The following AZI2 variants were observed in gnomAD, a reference collection of about 807,000 sequenced individuals.
AZI2 encodes 5-azacytidine induced 2, also known as 5-azacytidine-induced protein 2.
A neutral mutation model predicts 45.8 loss-of-function variants in AZI2; 22 were observed. That is an observed-to-expected ratio of 0.48 (90% CI 0.34 to 0.69). AZI2 has a LOEUF of 0.69. AZI2 is among the 30% of genes least tolerant of loss of function. The pLI is 0.01. For synonymous variants in AZI2, 137 were observed against 156.7 expected, an observed-to-expected ratio of 0.87 and a Z score of 0.94; for missense variants, 417 against 441.5, an observed-to-expected ratio of 0.94 and a Z score of 0.50.
At chr3:28,338,179 CTTTT>C in intron 3 of AZI2, 143 bp from the exon 4 acceptor site, 1 of 496,546 alleles carries the variant, frequency 2.0e-6, no homozygotes, top group Admixed American at 4.0e-5. Context: ...TCAGAAATGT[CTTTT>C]TTTCTTTTCC....
chr3:28,348,301 A>G (rs1704347861), intron 1 of AZI2: 1 of 152,234 alleles, frequency 6.6e-6, no homozygotes, highest in Admixed American at 6.5e-5. Flanking sequence ...TGAATGAAAA[A>G]AAACTGAAGG....
At chr3:28,332,019 T>G (rs1037589596) in intron 6 of AZI2, 1 of 959,132 alleles carries the variant, frequency 1.0e-6, no homozygotes, top group Non-Finnish European at 1.6e-6. Flanking sequence ...AATGGCCAAG[T>G]AGGCTCTTAA....
Position 28,332,445 on chromosome 3 carries a change from A to T in AZI2, c.589-18T>A. On this transcript the variant is annotated intron_variant, in intron 5 of 7. Coordinates refer to ENST00000479665, the MANE Select transcript of AZI2 (RefSeq NM_022461.5). ...TATGGATCCTGTCATTTGTTTAAAAAAAAGAAGTTTAAAAGTTGTAATTTT... is the reference window on the plus strand; with the variant it reads ...TATGGATCCTGTCATTTGTTTAAAATAAAGAAGTTTAAAAGTTGTAATTTT... The T allele has an allele frequency of 6.2e-7, 1 of 1,600,526 alleles. No individual in the cohort carries two copies. The highest frequency in any genetic ancestry group is 8.5e-7 in the Non-Finnish European group (1 of 1,170,504).
At chr3:28,336,357 T>C (rs1481256385) in intron 5 of AZI2, among the ~76,000 whole-genome samples, 2 of 152,092 alleles carry the variant, frequency 1.3e-5, no homozygotes, top group African/African-American at 4.8e-5. Context: ...TTGTCCCTTA[T>C]GATATCTAAA....
At chr3:28,340,986 T>A (rs1469230342) in intron 1 of AZI2, among the ~76,000 whole-genome samples, 1 of 152,046 alleles carries the variant, frequency 6.6e-6, no homozygotes, top group Non-Finnish European at 1.5e-5. Context: ...CCCAAATATA[T>A]CTTCTCCTAA....
chr3:28,338,047 AG>A lies in AZI2; in HGVS notation c.340-12del. Reference sequence around the variant, plus strand: ...AGAGTTGTCTTTATTCTAGTTAAGTAGGGAAAATGCCAAATTACATTCAATA... The same window carrying A: ...AGAGTTGTCTTTATTCTAGTTAAGTAGGAAAATGCCAAATTACATTCAATA... On this transcript the variant is annotated splice_polypyrimidine_tract_variant and intron_variant, in intron 3 of 7. Coordinates refer to ENST00000479665, the MANE Select transcript of AZI2 (RefSeq NM_022461.5). 1 of 1,476,164 alleles carries A rather than the reference AG, an allele frequency of 6.8e-7. No individual in the cohort carries two copies. Among genetic ancestry groups the A allele is most frequent in the Non-Finnish European group, 9.3e-7 (1 of 1,079,412 alleles). The allele number at this position is 1,476,164 out of a possible 1,614,324, so 91.4% of individuals were successfully genotyped here. A position where few individuals can be genotyped will look rare whatever the true frequency, so the allele number is the denominator to read the frequency against.
chr3:28,336,738 G>A lies in AZI2; in HGVS notation c.587C>T (p.Thr196Met), dbSNP rs369336325. Residue 196 changes from threonine to methionine, a missense_variant and splice_region_variant, in exon 5 of 8, where the codon ACG becomes ATG. Thr to Met is a moderately conservative substitution (Grantham distance 81). Transcript: ENST00000479665. ...CTCAATTTAATAATTCTGTAATACC[G>A]TTTGTTTGGCTTTCTGTAGTTCTAT... is the stretch of plus-strand genomic sequence containing the variant. ...LKIELQKAKQ[T>M]DPYQEDNLKS... 53 of 1,610,996 alleles carry A rather than the reference G, an allele frequency of 3.3e-5. No homozygotes were observed. The Admixed American group carries it at 7.0e-4, about 21-fold the overall frequency.
intron 1 of AZI2, among the ~76,000 whole-genome samples, chr3:28,347,006 C>T (rs1482254209): frequency 6.6e-6 from 1 of 152,188 alleles, no homozygotes; most frequent in Non-Finnish European, 1.5e-5. Context: ...CAGATCAAGA[C>T]TCTTCCAGAG....
intron 5 of AZI2, among the ~76,000 whole-genome samples, chr3:28,336,114 ACT>A (rs1703778409): frequency 6.6e-6 from 1 of 151,952 alleles, no homozygotes; most frequent in Admixed American, 6.6e-5. Context: ...GGGCAAACAG[ACT>A]CTTGGTGAGG....
intron 1 of AZI2, among the ~76,000 whole-genome samples, chr3:28,341,941 G>A (rs1704033410): frequency 6.6e-6 from 1 of 152,042 alleles, no homozygotes; most frequent in African/African-American, 2.4e-5. Flanking sequence ...AACATAGTAA[G>A]TGGAGAGTTG....
intron 1 of AZI2, among the ~76,000 whole-genome samples, chr3:28,342,151 C>T (rs1704041721): frequency 6.6e-6 from 1 of 151,980 alleles, no homozygotes; most frequent in Non-Finnish European, 1.5e-5. Flanking sequence ...TATATTTTTG[C>T]TTTTCTAATT....
rs1403609382 is a variant in AZI2, at chr3:28,331,708, T to C, written c.647+661A>G. 3.1e-5 allele frequency: 42 copies of C among 1,334,524 alleles called. No individual in the cohort carries two copies. In the South Asian group the frequency reaches 4.3e-4, roughly 14 times the overall value. The allele number at this position is 1,334,524 out of a possible 1,614,324, so 82.7% of individuals were successfully genotyped here. ...AATGAAGTCAGATCAGTATTTTTTA[T>C]TGGATGGAGGGTAACAATGTAGAGA... On this transcript the variant is annotated intron_variant, in intron 6 of 7. Coordinates refer to ENST00000479665, the MANE Select transcript of AZI2 (RefSeq NM_022461.5).
At chr3:28,345,894 T>C (rs1355094825) in intron 1 of AZI2, among the ~76,000 whole-genome samples, 2 of 152,110 alleles carry the variant, frequency 1.3e-5, no homozygotes, top group African/African-American at 4.8e-5. Context: ...ATATCTGCCA[T>C]TTTCATATTT....
intron 1 of AZI2, among the ~76,000 whole-genome samples, chr3:28,342,205 G>A (rs1330368166): frequency 2.6e-5 from 4 of 151,978 alleles, no homozygotes; most frequent in Admixed American, 6.6e-5. Context: ...CAACAGCTGG[G>A]AGCATCTAAG....
intron 1 of AZI2, among the ~76,000 whole-genome samples, chr3:28,346,349 A>G (rs1337548653): frequency 6.6e-6 from 1 of 152,156 alleles, no homozygotes; most frequent in Non-Finnish European, 1.5e-5. Context: ...CTGTGAAGGC[A>G]AAAGTTTAAT....
At chr3:28,336,343 C>T (rs1703788246) in intron 5 of AZI2, among the ~76,000 whole-genome samples, 1 of 151,824 alleles carries the variant, frequency 6.6e-6, no homozygotes, top group South Asian at 2.1e-4. Context: ...TTATAAAAAT[C>T]GAGTTGTCCC....
intron 3 of AZI2, among the ~76,000 whole-genome samples, chr3:28,338,255 T>C (rs924912363): frequency 2.0e-5 from 3 of 151,900 alleles, no homozygotes; most frequent in African/African-American, 7.2e-5. Flanking sequence ...TACCATGTCA[T>C]AGTTTTTCAA....
At chr3:28,335,824 T>C (rs946729391) in intron 5 of AZI2, among the ~76,000 whole-genome samples, 4 of 151,988 alleles carry the variant, frequency 2.6e-5, no homozygotes, top group African/African-American at 9.7e-5. Context: ...AGAAACACAA[T>C]TCCTCAATAG....
At chr3:28,327,089 A>G (rs1159032908) in intron 6 of AZI2, 139 bp from the exon 7 acceptor site, 1 of 603,452 alleles carries the variant, frequency 1.7e-6, no homozygotes, top group Non-Finnish European at 2.9e-6. Context: ...CAATTGAAAG[A>G]TATTTAACTA....
Sources: allele counts gnomAD v4.1 joint callset (sites outside exome capture counted in the v4.1 genomes callset), GRCh38; gene constraint gnomAD v4.1.1; transcripts MANE v1.5; gene names NCBI Gene and HGNC (gene_info 2026-07-23, HGNC 2026-07-21).